Variants in CCDC175 observed in about 807,000 individuals in gnomAD.
CCDC175 encodes coiled-coil domain-containing protein 175.
Under a neutral mutation model 114.6 loss-of-function variants are expected in CCDC175, and 100 were observed. That is an observed-to-expected ratio of 0.87 (90% CI 0.74 to 1.03). The LOEUF is 1.03. Ranked by LOEUF, CCDC175 falls within the 50% of genes least tolerant of loss-of-function variation. The pLI, the probability that CCDC175 is intolerant of heterozygous loss-of-function variation, is 0.00. For missense variants in CCDC175, 880 were observed against 917.8 expected (o/e 0.96, Z 0.53); for synonymous variants, 306 against 308.7 (o/e 0.99, Z 0.09).
chr14:59,538,099 G>C lies in CCDC175; in HGVS notation c.1547C>G (p.Thr516Arg). ...SGFVAQIEKLTTELKEEEKAF... is the reference protein window; with the variant it reads ...SGFVAQIEKLRTELKEEEKAF... ...TTTCTCCTCTTCTTTTAATTCTGTT[G>C]TAAGTTTTTCAATCTGTGCCACAAA... Residue 516 changes from threonine (T) to arginine (R), a missense_variant, in exon 13 of 20, where the codon ACA (threonine) becomes AGA (arginine). Physicochemically the swap from Thr to Arg is moderately conservative, Grantham distance 71. Coordinates refer to ENST00000537690, the MANE Select transcript of CCDC175 (RefSeq NM_001164399.2). 1 of 1,532,842 alleles carries C rather than the reference G, an allele frequency of 6.5e-7. No individual in the cohort carries two copies. Among genetic ancestry groups the C allele is most frequent in the Non-Finnish European group, 8.7e-7 (1 of 1,143,302 alleles). 95.0% of individuals were successfully genotyped at this position (1,532,842 alleles called of 1,614,324 possible). A position where few individuals can be genotyped will look rare whatever the true frequency, so the allele number is the denominator to read the frequency against.
chr14:59,525,763 TAAC>T lies in CCDC175; in HGVS notation c.1843-332_1843-330del, dbSNP rs563743249. On this transcript the variant is annotated intron_variant, in intron 15 of 19. Coordinates refer to ENST00000537690, the MANE Select transcript of CCDC175 (RefSeq NM_001164399.2). The stretch of plus-strand genomic sequence containing the variant: ...AATACATTCACAAAAATAAAAATAA[TAAC>T]AACAACAAATAATACAAATAATAAA... Among the ~76,000 whole-genome samples the T allele has an allele frequency of 7.9e-5, 12 of 152,212 alleles. No homozygotes were observed. The South Asian group carries it at 1.2e-3, about 16-fold the overall frequency.
intron 19 of CCDC175, among the ~76,000 whole-genome samples, chr14:59,508,255 G>A (rs182694445): frequency 3.3e-5 from 5 of 151,854 alleles, no homozygotes; most frequent in Admixed American, 1.3e-4. Flanking sequence ...TTTTATTCCC[G>A]CGTTCGCCCC....
rs541218933 is a variant in CCDC175, at chr14:59,576,772, C to A, written c.4G>T (p.Ala2Ser). M[A>S]LSPWTPGLGA... is the part of the protein sequence containing the mutation. ...AGCCCTGGGGTCCAGGGGCTCAGGG[C>A]CATTTTGCCGCTCTACTTGAGCGCC... Residue 2 changes from alanine to serine, a missense_variant, in exon 1 of 20, where the codon GCC (alanine) becomes TCC (serine). Physicochemically the swap from Ala to Ser is moderately conservative, Grantham distance 99 (BLOSUM62 1). Transcript: ENST00000537690. The A allele has an allele frequency of 1.8e-4, 258 of 1,438,244 alleles. No individual in the cohort carries two copies. In the South Asian group the frequency reaches 2.5e-3, roughly 14 times the overall value. The allele number at this position is 1,438,244 out of a possible 1,614,324, so 89.1% of individuals were successfully genotyped here.
chr14:59,551,539 G>C (rs1176547540), intron 7 of CCDC175, 103 bp from the exon 8 acceptor site: 1 of 521,776 alleles, frequency 1.9e-6, no homozygotes, highest in Non-Finnish European at 3.3e-6. Context: ...CTCCCAGTGT[G>C]AGTGACACAG....
intron 19 of CCDC175, 67 bp from the exon 20 acceptor site, chr14:59,505,382 T>C: frequency 1.2e-6 from 1 of 814,440 alleles, no homozygotes. Flanking sequence ...GTTATTAGTG[T>C]TCATTAAAAT....
chr14:59,556,124 T>C (rs1302080331), intron 7 of CCDC175, among the ~76,000 whole-genome samples: 1 of 152,130 alleles, frequency 6.6e-6, no homozygotes. Flanking sequence ...AAAGTTCATA[T>C]GGAACCAAAA....
intron 4 of CCDC175, 142 bp downstream of exon 4, chr14:59,568,103 C>A: frequency 1.4e-6 from 1 of 734,000 alleles, no homozygotes. Context: ...ACCCCATCAG[C>A]CTGGGCCATC....
chr14:59,565,914 A>T (rs1202594158), intron 4 of CCDC175, among the ~76,000 whole-genome samples: 2 of 152,134 alleles, frequency 1.3e-5, no homozygotes, highest in African/African-American at 2.4e-5. Flanking sequence ...ATCTGGCCAG[A>T]TGAGTGTTTT....
At chr14:59,541,526 A>G (rs1292394820) in intron 10 of CCDC175, among the ~76,000 whole-genome samples, 1 of 152,192 alleles carries the variant, frequency 6.6e-6, no homozygotes, top group Non-Finnish European at 1.5e-5. Flanking sequence ...AACACTCTTA[A>G]ATAAACTAGA....
chr14:59,531,362 A>C (rs535348813), intron 14 of CCDC175, among the ~76,000 whole-genome samples: 2 of 152,242 alleles, frequency 1.3e-5, no homozygotes, highest in Admixed American at 1.3e-4. Context: ...TGAAAAAAAA[A>C]ATCTGAGGAG....
chr14:59,553,965 C>G (rs1427527490), intron 7 of CCDC175, among the ~76,000 whole-genome samples: 2 of 152,180 alleles, frequency 1.3e-5, no homozygotes, highest in Non-Finnish European at 2.9e-5. Flanking sequence ...ATTCATAAAG[C>G]AAGTCCTTAG....
At position 59,543,687 on chromosome 14, in the gene CCDC175, T is replaced by A. The variant is rs1894929070; in HGVS notation, c.1173-233A>T. Among the ~76,000 whole-genome samples, 3 of 152,196 alleles carry A rather than the reference T, an allele frequency of 2.0e-5. No homozygotes were observed. The South Asian group carries it at 6.2e-4, about 32-fold the overall frequency. ...TTTTTGTACTTTTGTAGAGATGGGGTTTCCCTGTGTTGCCCAGGCTGGTAT... is the reference window on the plus strand; with the variant it reads ...TTTTTGTACTTTTGTAGAGATGGGGATTCCCTGTGTTGCCCAGGCTGGTAT... On this transcript the variant is annotated intron_variant, in intron 9 of 19. Coordinates refer to ENST00000537690, the MANE Select transcript of CCDC175 (RefSeq NM_001164399.2).
chr14:59,573,819 C>T (rs1896964255), intron 2 of CCDC175, among the ~76,000 whole-genome samples: 2 of 151,920 alleles, frequency 1.3e-5, no homozygotes, highest in Admixed American at 6.6e-5. Flanking sequence ...CACCATGTCT[C>T]GGCCAGGCTA....
chr14:59,547,197 A>G (rs1895163803), intron 8 of CCDC175, among the ~76,000 whole-genome samples: 3 of 152,240 alleles, frequency 2.0e-5, no homozygotes, highest in Admixed American at 6.5e-5. Flanking sequence ...TGGACACATC[A>G]TAGTGCAACT....
intron 17 of CCDC175, among the ~76,000 whole-genome samples, chr14:59,515,555 CAA>C (rs1893028634): frequency 6.6e-6 from 1 of 152,008 alleles, no homozygotes; most frequent in Non-Finnish European, 1.5e-5. Flanking sequence ...CAACAAAGAT[CAA>C]AAGAGACAAA....
At chr14:59,520,707 A>G (rs1477890749) in intron 17 of CCDC175, among the ~76,000 whole-genome samples, 1 of 152,246 alleles carries the variant, frequency 6.6e-6, no homozygotes, top group African/African-American at 2.4e-5. Flanking sequence ...GCAACAACTT[A>G]GATGAATCTT....
chr14:59,566,403 T>A (rs952681005), intron 4 of CCDC175, among the ~76,000 whole-genome samples: 1 of 152,206 alleles, frequency 6.6e-6, no homozygotes, highest in Non-Finnish European at 1.5e-5. Flanking sequence ...AGAGGAATTG[T>A]GTTTGAAGGC....
At position 59,519,768 on chromosome 14, in the gene CCDC175, G is replaced by C. The variant is rs529453837; in HGVS notation, c.2098+1806C>G. On this transcript the variant is annotated intron_variant, in intron 17 of 19. Transcript: ENST00000537690. ...ATGACCCCTCCCCTTGCACCTGAGT[G>C]ACTGCCTCAACCATTAGCGTATTGT... 3.3e-5 allele frequency among the ~76,000 whole-genome samples: 5 copies of C among 152,264 alleles called. No homozygotes were observed. The South Asian group carries it at 1.0e-3, about 32-fold the overall frequency.
rs2139977000 is a variant in CCDC175 at position 59,519,403 on chromosome 14, G to A, written c.2098+2171C>T. 3.3e-5 allele frequency among the ~76,000 whole-genome samples: 5 copies of A among 152,212 alleles called. No individual in the cohort carries two copies. The South Asian group carries it at 8.3e-4, about 25-fold the overall frequency. ...AAATTATACAAGAAAATATTGAAGA[G>A]CCTGGGGTAGGCACAAATGTTTTAG... On this transcript the variant is annotated intron_variant, in intron 17 of 19. Coordinates refer to ENST00000537690, the MANE Select transcript of CCDC175 (RefSeq NM_001164399.2).
Sources: allele counts gnomAD v4.1 joint callset (sites outside exome capture counted in the v4.1 genomes callset), GRCh38; gene constraint gnomAD v4.1.1; transcripts MANE v1.5; gene names NCBI Gene and HGNC (gene_info 2026-07-23, HGNC 2026-07-21).